CACUL1: variants seen among roughly 807,000 people sequenced by gnomAD.
CACUL1 encodes the protein CDK2 associated cullin domain 1, also known as CDK2-associated and cullin domain-containing protein 1.
In CACUL1, 13 loss-of-function variants were observed where a neutral mutation model predicts 45.2. The ratio of observed to expected loss-of-function variants is 0.29; its 90% CI spans 0.19 to 0.46. The LOEUF is 0.46. CACUL1 is among the 20% of genes least tolerant of loss of function. CACUL1 has a pLI of 1.00. For missense variants in CACUL1, 421 were observed against 471.4 expected, an observed-to-expected ratio of 0.89 and a Z score of 0.99; for synonymous variants, 197 against 174.2, an observed-to-expected ratio of 1.13 and a Z score of -1.03.
At chr10:118,732,162 G>A (rs191512454) in intron 1 of CACUL1, among the ~76,000 whole-genome samples, 1 of 152,212 alleles carries the variant, frequency 6.6e-6, no homozygotes, top group African/African-American at 2.4e-5. Flanking sequence ...GCTGTGCTGA[G>A]GGTAAACTAA....
At chr10:118,714,564 G>A (rs1845523285) in intron 3 of CACUL1, among the ~76,000 whole-genome samples, 2 of 152,116 alleles carry the variant, frequency 1.3e-5, no homozygotes, top group African/African-American at 4.8e-5. Flanking sequence ...ACTAATTTCT[G>A]AGAAAATGTC....
In CACUL1 at chr10:118,754,948, G is replaced by A. The variant is rs1048897074; in HGVS notation, c.-186C>T. The A allele has an allele frequency of 2.8e-6, 2 of 704,042 alleles. No individual in the cohort carries two copies. Among genetic ancestry groups the A allele is most frequent in the Non-Finnish European group, 4.3e-6 (2 of 465,082 alleles). 43.6% of individuals were successfully genotyped at this position (704,042 alleles called of 1,614,324 possible). A position where few individuals can be genotyped will look rare whatever the true frequency, so the allele number is the denominator to read the frequency against. ...CGACTAGCTTGAAGACGCGGCTGAC[G>A]GCGGTGGGCGCTCCGGGGCTCTAGT... On this transcript the variant is annotated 5_prime_UTR_variant, in exon 1 of 9. Transcript: ENST00000369151.
At chr10:118,696,032 T>C (rs1461341338) in intron 5 of CACUL1, among the ~76,000 whole-genome samples, 2 of 152,238 alleles carry the variant, frequency 1.3e-5, no homozygotes, top group Admixed American at 6.5e-5. Context: ...ATAAACTGAT[T>C]TTGTTCTGTT....
At chr10:118,745,090 ACTG>A (rs1308865853) in intron 1 of CACUL1, among the ~76,000 whole-genome samples, 5 of 152,256 alleles carry the variant, frequency 3.3e-5, no homozygotes, top group African/African-American at 1.2e-4. Context: ...ATGGAAGTAT[ACTG>A]CTATTAGATT....
At chr10:118,722,204 C>T (rs1845607836) in intron 3 of CACUL1, among the ~76,000 whole-genome samples, 1 of 151,948 alleles carries the variant, frequency 6.6e-6, no homozygotes, top group Non-Finnish European at 1.5e-5. Context: ...CTGCCTCAGC[C>T]TCCTAAGTAG....
chr10:118,684,089 C>A lies in CACUL1; in HGVS notation c.*2039G>T, dbSNP rs1845182519. 6.6e-6 allele frequency: 1 copy of A among 152,612 alleles called. No homozygotes were observed. The highest frequency in any genetic ancestry group is 2.4e-5 in the African/African-American group (1 of 41,428). The allele number at this position is 152,612 out of a possible 1,614,324, so 9.5% of individuals were successfully genotyped here. A position where few individuals can be genotyped will look rare whatever the true frequency, so the allele number is the denominator to read the frequency against. On this transcript the variant is annotated 3_prime_UTR_variant, in exon 9 of 9. Coordinates refer to ENST00000369151, the MANE Select transcript of CACUL1 (RefSeq NM_153810.5). ...CATACATAGTAAAAAGAATATATTT[C>A]TCCATGAACTTAATAATGCAAAAGC...
chr10:118,684,176 T>G lies in CACUL1; in HGVS notation c.*1952A>C, dbSNP rs1248568726. The G allele has an allele frequency of 1.3e-5, 2 of 152,652 alleles. No individual in the cohort carries two copies. Among genetic ancestry groups the G allele is most frequent in the Non-Finnish European group, 2.9e-5 (2 of 68,034 alleles). The allele number at this position is 152,652 out of a possible 1,614,324, so 9.5% of individuals were successfully genotyped here. A position where few individuals can be genotyped will look rare whatever the true frequency, so the allele number is the denominator to read the frequency against. ...GATGCTTTTATAGGGAAAGTTCTTT[T>G]GTAAAAGAATGCTCTCTCCCAGAAA... On this transcript the variant is annotated 3_prime_UTR_variant, in exon 9 of 9. Coordinates refer to ENST00000369151, the MANE Select transcript of CACUL1 (RefSeq NM_153810.5).
chr10:118,747,623 CAT>C (rs1042884611), intron 1 of CACUL1, among the ~76,000 whole-genome samples: 1 of 144,118 alleles, frequency 6.9e-6, no homozygotes, highest in African/African-American at 2.6e-5. Context: ...AAGTAACTGA[CAT>C]ATGCGAGAAC....
At chr10:118,690,270 C>T (rs977325113) in intron 7 of CACUL1, among the ~76,000 whole-genome samples, 1 of 135,884 alleles carries the variant, frequency 7.4e-6, no homozygotes, top group African/African-American at 2.7e-5. Flanking sequence ...CACTGCAGTC[C>T]GCAGTCCGGC....
chr10:118,722,853 C>T (rs1315270011), intron 3 of CACUL1, among the ~76,000 whole-genome samples: 1 of 152,206 alleles, frequency 6.6e-6, no homozygotes, highest in Non-Finnish European at 1.5e-5. Flanking sequence ...GTCAGTTGAC[C>T]ATTGCCATGG....
chr10:118,721,921 CAT>C (rs544456290), intron 3 of CACUL1, among the ~76,000 whole-genome samples: 73 of 152,122 alleles, frequency 4.8e-4, no homozygotes, highest in African/African-American at 1.7e-3. Flanking sequence ...CAGAAATACA[CAT>C]AGAAAAAATG....
chr10:118,702,995 T>C lies in CACUL1; in HGVS notation c.694-1587A>G, dbSNP rs182346133. 3.1e-3 allele frequency among the ~76,000 whole-genome samples: 466 copies of C among 152,276 alleles called. 2 individuals are homozygous for C. Among genetic ancestry groups the C allele is most frequent in the African/African-American group, 0.011 (445 of 41,556 alleles). On this transcript the variant is annotated intron_variant, in intron 4 of 8. Coordinates refer to ENST00000369151, the MANE Select transcript of CACUL1 (RefSeq NM_153810.5). ...TAATTTAAAAAATTTTTTTTGGAGA[T>C]AGTGTTTCAATTGCCCAGGCTGGTC... is the stretch of plus-strand genomic sequence containing the variant.
chr10:118,735,351 C>A (rs1337722398), intron 1 of CACUL1, among the ~76,000 whole-genome samples: 1 of 152,144 alleles, frequency 6.6e-6, no homozygotes, highest in Non-Finnish European at 1.5e-5. Context: ...TGGTCTACTG[C>A]AGAGACTGAT....
intron 1 of CACUL1, among the ~76,000 whole-genome samples, chr10:118,741,225 T>G (rs1281634590): frequency 1.3e-5 from 2 of 152,210 alleles, no homozygotes; most frequent in Non-Finnish European, 2.9e-5. Context: ...AAACCTGTAT[T>G]ACTTTAATAA....
intron 3 of CACUL1, among the ~76,000 whole-genome samples, chr10:118,708,942 G>A (rs1845458755): frequency 6.6e-6 from 1 of 152,098 alleles, no homozygotes; most frequent in African/African-American, 2.4e-5. Context: ...CGGAGAGTTA[G>A]GGGAGCCAAC....
At chr10:118,687,222 T>C (rs1845216209) in intron 7 of CACUL1, among the ~76,000 whole-genome samples, 2 of 152,142 alleles carry the variant, frequency 1.3e-5, no homozygotes, top group African/African-American at 2.4e-5. Context: ...ATGGTGATCA[T>C]ACACTCTCTC....
intron 1 of CACUL1, among the ~76,000 whole-genome samples, chr10:118,749,866 C>CCCCAGTT (rs1187328684): frequency 3.3e-5 from 5 of 152,166 alleles, no homozygotes; most frequent in African/African-American, 1.2e-4. Flanking sequence ...ACTGTAACTC[C>CCCCAGTT]CCCAGTTCTG....
chr10:118,686,557 A>G (rs1454830542), intron 8 of CACUL1, 41 bp downstream of exon 8: 27 of 1,505,056 alleles, frequency 1.8e-5, no homozygotes, highest in Non-Finnish European at 2.4e-5. Context: ...GCTGCTTTAC[A>G]TCACAGAACC....
intron 3 of CACUL1, among the ~76,000 whole-genome samples, chr10:118,722,271 A>G (rs1161068203): frequency 2.0e-5 from 3 of 151,790 alleles, no homozygotes; most frequent in African/African-American, 7.3e-5. Flanking sequence ...TTTTTTTAGT[A>G]GAGATGGGGT....
Sources: allele counts gnomAD v4.1 joint callset (sites outside exome capture counted in the v4.1 genomes callset), GRCh38; gene constraint gnomAD v4.1.1; transcripts MANE v1.5; gene names NCBI Gene and HGNC (gene_info 2026-07-23, HGNC 2026-07-21).